Variants in AHI1 observed in about 807,000 individuals in gnomAD.
The protein encoded by AHI1 is jouberin.
In AHI1, 123 loss-of-function variants were observed where a neutral mutation model predicts 149.3. The observed-to-expected ratio is 0.82, with a 90% CI of 0.71 to 0.96. The LOEUF (loss-of-function observed/expected upper bound fraction) is 0.96. AHI1 is among the 40% of genes least tolerant of loss of function. The pLI, the probability that AHI1 is intolerant of heterozygous loss-of-function variation, is 0.00. For synonymous variants in AHI1, 475 were observed against 459.8 expected (o/e 1.03, Z -0.42); for missense variants, 1,439 against 1,422.7 (o/e 1.01, Z -0.18).
Position 135,302,316 on chromosome 6 carries a change from G to C in AHI1, c.3427-1758C>G. On this transcript the variant is annotated intron_variant, in intron 26 of 28. Coordinates refer to ENST00000265602, the MANE Select transcript of AHI1 (RefSeq NM_001134831.2). ...TTCTCATCAATTTGAACCTATTCCA[G>C]AGGTTGAGGGGAGAGAAGTCATACT... 5 of 985,582 alleles carry C rather than the reference G, an allele frequency of 5.1e-6. No homozygotes were observed. In the South Asian group the frequency reaches 1.9e-4, roughly 37 times the overall value. 61.1% of individuals were successfully genotyped at this position (985,582 alleles called of 1,614,324 possible). A position where few individuals can be genotyped will look rare whatever the true frequency, so the allele number is the denominator to read the frequency against.
rs2128100970 is a variant in AHI1, at chr6:135,467,649, A to G, written c.136-15T>C. On this transcript the variant is annotated splice_polypyrimidine_tract_variant and intron_variant, in intron 5 of 28. Coordinates refer to ENST00000265602, the MANE Select transcript of AHI1 (RefSeq NM_001134831.2). ...ATAGTGTCAGGCTAAAAAGGAAGAC[A>G]TAATAAAGTTTCAGCTAAGCGTAGA... The G allele has an allele frequency of 6.3e-7, 1 of 1,584,854 alleles. No individual in the cohort carries two copies.
intron 13 of AHI1, among the ~76,000 whole-genome samples, chr6:135,445,445 T>C (rs144438670): frequency 3.9e-5 from 6 of 152,334 alleles, no homozygotes; most frequent in Non-Finnish European, 4.4e-5. Context: ...CAGAAGTATA[T>C]ACATGTACAT....
chr6:135,467,526 T>G (rs1304382662), intron 6 of AHI1, 55 bp downstream of exon 6: 61 of 1,401,212 alleles, frequency 4.4e-5, no homozygotes, highest in Non-Finnish European at 6.0e-5. Context: ...TTCCTCAATT[T>G]GTTTTTAGTG....
At chr6:135,303,779 A>G (rs1289437253) in intron 26 of AHI1, among the ~76,000 whole-genome samples, 1 of 152,176 alleles carries the variant, frequency 6.6e-6, no homozygotes, top group African/African-American at 2.4e-5. Context: ...GAAAGAAGAA[A>G]TACTCTGGGT....
intron 23 of AHI1, among the ~76,000 whole-genome samples, chr6:135,377,378 G>A (rs1047482766): frequency 7.2e-5 from 11 of 152,214 alleles, no homozygotes; most frequent in Middle Eastern, 3.4e-3. Context: ...CTGAATAGAC[G>A]ATTATCTTAC....
chr6:135,381,847 CGCAGTGCTTG>C (rs1776810411), intron 23 of AHI1, among the ~76,000 whole-genome samples: 1 of 152,174 alleles, frequency 6.6e-6, no homozygotes, highest in Non-Finnish European at 1.5e-5. Context: ...TTCCATTTCT[CGCAGTGCTTG>C]GCAGAGTCTC....
intron 5 of AHI1, among the ~76,000 whole-genome samples, chr6:135,483,762 G>A (rs1472631036): frequency 6.6e-6 from 1 of 152,028 alleles, no homozygotes; most frequent in Non-Finnish European, 1.5e-5. Context: ...CTGATGCTTT[G>A]ATTCCACAAT....
At chr6:135,417,542 C>T (rs1782558661) in intron 20 of AHI1, among the ~76,000 whole-genome samples, 1 of 151,904 alleles carries the variant, frequency 6.6e-6, no homozygotes, top group African/African-American at 2.4e-5. Flanking sequence ...AATTATTTAT[C>T]TCTTTATTTT....
chr6:135,412,215 T>C (rs1781706402), intron 20 of AHI1, among the ~76,000 whole-genome samples: 2 of 152,178 alleles, frequency 1.3e-5, no homozygotes, highest in Admixed American at 6.5e-5. Context: ...ATGATAACTA[T>C]TTACATAGCA....
intron 13 of AHI1, among the ~76,000 whole-genome samples, chr6:135,446,212 A>G (rs1026772006): frequency 6.6e-6 from 1 of 152,128 alleles, no homozygotes; most frequent in African/African-American, 2.4e-5. Flanking sequence ...TCTAACCCCT[A>G]ACACCTCAGA....
chr6:135,355,116 T>A (rs773690524), intron 24 of AHI1, among the ~76,000 whole-genome samples: 2 of 152,170 alleles, frequency 1.3e-5, no homozygotes, highest in African/African-American at 4.8e-5. Flanking sequence ...TTTAAAAATA[T>A]GCAGACTCAG....
intron 23 of AHI1, among the ~76,000 whole-genome samples, chr6:135,364,687 G>A (rs1197397673): frequency 6.6e-6 from 1 of 152,126 alleles, no homozygotes; most frequent in Non-Finnish European, 1.5e-5. Context: ...GTTAGGAGCT[G>A]GAGACCAGCC....
chr6:135,446,659 C>T (rs547816115), intron 13 of AHI1, among the ~76,000 whole-genome samples: 1 of 152,270 alleles, frequency 6.6e-6, no homozygotes, highest in South Asian at 2.1e-4. Context: ...AGTGGACCCT[C>T]ACCAGGAACT....
rs763192197 is a variant in AHI1, at chr6:135,487,901, A to ATT, written c.135+2721_135+2722insAA. 2.6e-5 allele frequency among the ~76,000 whole-genome samples: 4 copies of ATT among 152,056 alleles called. No homozygotes were observed. The East Asian group carries it at 5.8e-4, about 22-fold the overall frequency. On this transcript the variant is annotated intron_variant, in intron 5 of 28. Coordinates refer to ENST00000265602, the MANE Select transcript of AHI1 (RefSeq NM_001134831.2). ...GTACTACATCTTTAATAAATCTTAAATCTTTTTTTTTTTCCAGGGAGGGAA... is the reference window on the plus strand; with the variant it reads ...GTACTACATCTTTAATAAATCTTAAATTTCTTTTTTTTTTTCCAGGGAGGGAA...
Position 135,364,706 on chromosome 6 carries a change from A to G in AHI1, c.3110-6519T>C, listed in dbSNP as rs574856132. Among the ~76,000 whole-genome samples, 1,420 of 152,240 alleles carry G rather than the reference A, an allele frequency of 9.3e-3. 16 individuals carry two copies. Among genetic ancestry groups the G allele is most frequent in the African/African-American group, 0.032 (1,326 of 41,524 alleles). Reference sequence around the variant, plus strand: ...GGAGCTGGAGACCAGCCCGGCCAACACAGCGAATCCCCGTCTCCACCAAAA... The same window carrying G: ...GGAGCTGGAGACCAGCCCGGCCAACGCAGCGAATCCCCGTCTCCACCAAAA... On this transcript the variant is annotated intron_variant, in intron 23 of 28. Coordinates refer to ENST00000265602, the MANE Select transcript of AHI1 (RefSeq NM_001134831.2).
rs17064536 is a variant in AHI1 at position 135,456,133 on chromosome 6, T to C, written c.1152-207A>G. Among the ~76,000 whole-genome samples, 1,859 of 152,322 alleles carry C rather than the reference T, an allele frequency of 0.012. 45 individuals carry two copies. Among genetic ancestry groups the C allele is most frequent in the African/African-American group, 0.042 (1,766 of 41,570 alleles). On this transcript the variant is annotated intron_variant, in intron 9 of 28. Transcript: ENST00000265602. ...CCATCTTATATTTGTCTACTATCAA[T>C]TGGTTTCACATGATTATTTTATTAT... is the stretch of plus-strand genomic sequence containing the variant.
chr6:135,488,535 CTAACA>C (rs985925594), intron 5 of AHI1, among the ~76,000 whole-genome samples: 9 of 152,146 alleles, frequency 5.9e-5, no homozygotes, highest in African/African-American at 1.7e-4. Flanking sequence ...AGGAAATCAC[CTAACA>C]TGTCTGTTTG....
At chr6:135,293,334 C>CT (rs1782594136) in intron 27 of AHI1, among the ~76,000 whole-genome samples, 2 of 128,782 alleles carry the variant, frequency 1.6e-5, no homozygotes, top group South Asian at 2.6e-4. Context: ...ACAAGAATGT[C>CT]TATTCTGACT....
chr6:135,438,613 C>G, intron 14 of AHI1, 115 bp from the exon 15 acceptor site: 1 of 802,388 alleles, frequency 1.2e-6, no homozygotes, highest in Non-Finnish European at 1.7e-6. Context: ...AAATTATAAC[C>G]AAAGACATTT....
Sources: allele counts gnomAD v4.1 joint callset (sites outside exome capture counted in the v4.1 genomes callset), GRCh38; gene constraint gnomAD v4.1.1; transcripts MANE v1.5; gene names NCBI Gene and HGNC (gene_info 2026-07-23, HGNC 2026-07-21).